The following TENM2 variants were observed in gnomAD, a reference collection of about 807,000 sequenced individuals.
TENM2 encodes the protein teneurin transmembrane protein 2.
TENM2 carries 52 observed loss-of-function variants against 245.2 expected under a neutral mutation model. The ratio of observed to expected loss-of-function variants is 0.21; its 90% CI spans 0.17 to 0.27. The LOEUF (loss-of-function observed/expected upper bound fraction) is 0.27. Ranked by LOEUF, TENM2 falls within the 10% of genes least tolerant of loss-of-function variation. The pLI, the probability that TENM2 is intolerant of heterozygous loss-of-function variation, is 1.00. For synonymous variants in TENM2, 1,363 were observed against 1,438.9 expected (o/e 0.95, Z 1.19); for missense variants, 3,046 against 3,666.8 (o/e 0.83, Z 4.37).
At position 167,446,788 on chromosome 5, in the gene TENM2, AAC is replaced by A. The variant is rs1554155068; in HGVS notation, c.502+71318_502+71319del. Among the ~76,000 whole-genome samples, 17 of 92,348 alleles carry A rather than the reference AAC, an allele frequency of 1.8e-4. No individual in the cohort carries two copies. In the East Asian group the frequency reaches 1.9e-3, roughly 10 times the overall value. 60.6% of individuals were successfully genotyped at this position (92,348 alleles called of 152,430 possible). A position where few individuals can be genotyped will look rare whatever the true frequency, so the allele number is the denominator to read the frequency against. On this transcript the variant is annotated intron_variant, in intron 2 of 28. Coordinates refer to ENST00000518659, the Ensembl canonical transcript of TENM2. ...TTACTCACCCCATCTCAGTTTTTGAAACACGCACACACACACACACACACACA... is the reference window on the plus strand; with the variant it reads ...TTACTCACCCCATCTCAGTTTTTGAAACGCACACACACACACACACACACA...
intron 4 of TENM2, 28 bp downstream of exon 6, chr5:167,952,850 A>G (rs1431838530): frequency 6.5e-7 from 1 of 1,536,698 alleles, no homozygotes; most frequent in East Asian, 2.4e-5. Flanking sequence ...GCTCACAGTC[A>G]CACTCAGTGT....
At chr5:167,824,771 C>A (rs1278923737) in intron 2 of TENM2, among the ~76,000 whole-genome samples, 3 of 152,164 alleles carry the variant, frequency 2.0e-5, no homozygotes, top group Admixed American at 6.5e-5. Context: ...CATATCAAAA[C>A]AACAGTATGG....
rs1768406499 is a variant in TENM2, at chr5:167,491,118, G to C, written c.502+115645G>C. Among the ~76,000 whole-genome samples the C allele has an allele frequency of 2.6e-5, 4 of 152,182 alleles. No homozygotes were observed. In the South Asian group the frequency reaches 8.3e-4, roughly 32 times the overall value. On this transcript the variant is annotated intron_variant, in intron 2 of 28. Coordinates refer to ENST00000518659, the Ensembl canonical transcript of TENM2. ...AGACAGATGGAATCTCATGTACTGA[G>C]ATTGGTAGAAAGTATATCTCTGAAT...
chr5:167,946,140 G>A (rs1017313107), intron 3 of TENM2, among the ~76,000 whole-genome samples: 1 of 152,200 alleles, frequency 6.6e-6, no homozygotes, highest in African/African-American at 2.4e-5. Context: ...AGGAAGCAAG[G>A]TCATTGTCCC....
intron 1 of TENM2, among the ~76,000 whole-genome samples, chr5:167,319,996 G>A (rs1426082056): frequency 6.6e-6 from 1 of 152,162 alleles, no homozygotes; most frequent in Non-Finnish European, 1.5e-5. Flanking sequence ...TAGTTAATAT[G>A]TGTTGAACAC....
intron 28 of TENM2, among the ~76,000 whole-genome samples, chr5:168,261,657 C>T (rs569400539): frequency 3.9e-5 from 6 of 152,346 alleles, no homozygotes; most frequent in African/African-American, 1.4e-4. Context: ...CAGGACATTC[C>T]TGGGTCTAAA....
rs148784467 is a variant in TENM2, at chr5:167,715,789, G to A, written c.503-160197G>A. Among the ~76,000 whole-genome samples, 353 of 152,222 alleles carry A rather than the reference G, an allele frequency of 2.3e-3. 1 individual carries two copies. Among genetic ancestry groups the A allele is most frequent in the African/African-American group, 8.1e-3 (335 of 41,536 alleles). Reference sequence around the variant, plus strand: ...CCTCTTTGGATTCTCATTTTATATAGAACATGCAAGCTTCTGAATACGAAA... The same window carrying A: ...CCTCTTTGGATTCTCATTTTATATAAAACATGCAAGCTTCTGAATACGAAA... On this transcript the variant is annotated intron_variant, in intron 2 of 28. Transcript: ENST00000518659.
chr5:168,181,375 T>C (rs1244992778), intron 13 of TENM2, among the ~76,000 whole-genome samples: 1 of 152,262 alleles, frequency 6.6e-6, no homozygotes, highest in Non-Finnish European at 1.5e-5. Flanking sequence ...ATCAGATTTC[T>C]GCCTTTGGTA....
the TENM2 span, among the ~76,000 whole-genome samples, chr5:167,172,013 G>A: frequency 6.6e-6 from 1 of 152,178 alleles, no homozygotes; most frequent in Non-Finnish European, 1.5e-5. Flanking sequence ...AGCATTAAAT[G>A]TTCTTGCCTC....
At chr5:167,605,020 C>G (rs149785716) in intron 2 of TENM2, among the ~76,000 whole-genome samples, 170 of 152,244 alleles carry the variant, frequency 1.1e-3, no homozygotes, top group Non-Finnish European at 1.7e-3. Flanking sequence ...AGGCACGAGG[C>G]AAGGTGTGTT....
intron 12 of TENM2, among the ~76,000 whole-genome samples, chr5:168,158,850 T>TATATATATATATATACACACACAC (rs1339051385): frequency 1.6e-5 from 1 of 62,330 alleles, no homozygotes; most frequent in Non-Finnish European, 3.1e-5. Context: ...TATATATATA[T>TATATATATATATATACACACACAC]ACACACACAC....
chr5:167,808,917 T>C (rs58440562), intron 2 of TENM2, among the ~76,000 whole-genome samples: 9,706 of 152,242 alleles, frequency 0.064, 371 homozygotes, highest in Middle Eastern at 0.11. Context: ...ATGCACTCAT[T>C]TGCAAGATGT....
At chr5:167,872,161 C>G (rs936983765) in intron 2 of TENM2, among the ~76,000 whole-genome samples, 2 of 151,728 alleles carry the variant, frequency 1.3e-5, no homozygotes, top group East Asian at 3.9e-4. Flanking sequence ...GGCATAGTGG[C>G]TTGCATCTGT....
the TENM2 span, among the ~76,000 whole-genome samples, chr5:167,143,875 G>A: frequency 6.6e-6 from 1 of 152,018 alleles, no homozygotes; most frequent in African/African-American, 2.4e-5. Flanking sequence ...GCTTATATAC[G>A]AGATGCAGTT....
intron 10 of TENM2, among the ~76,000 whole-genome samples, chr5:168,122,697 TG>T (rs1443827958): frequency 6.6e-6 from 1 of 152,178 alleles, no homozygotes; most frequent in Non-Finnish European, 1.5e-5. Context: ...AATTCACCTT[TG>T]GGGGAGTGTA....
chr5:167,536,390 A>G (rs954100167), intron 2 of TENM2, among the ~76,000 whole-genome samples: 2 of 152,158 alleles, frequency 1.3e-5, no homozygotes, highest in African/African-American at 4.8e-5. Context: ...AACTTATTCT[A>G]TAAAGGGCCA....
At chr5:167,343,834 A>G (rs1758275854) in intron 1 of TENM2, among the ~76,000 whole-genome samples, 1 of 152,164 alleles carries the variant, frequency 6.6e-6, no homozygotes, top group Non-Finnish European at 1.5e-5. Flanking sequence ...CCAGTTGAGA[A>G]ATGTCATACC....
At chr5:167,281,579 T>C (rs1771068896), upstream of TENM2, among the ~76,000 whole-genome samples, 1 of 152,194 alleles carries the variant, frequency 6.6e-6, no homozygotes, top group Non-Finnish European at 1.5e-5. Context: ...GAGGTGATAT[T>C]GCTGACAAAG....
the TENM2 span, among the ~76,000 whole-genome samples, chr5:167,024,632 G>C: frequency 6.6e-6 from 1 of 152,098 alleles, no homozygotes; most frequent in South Asian, 2.1e-4. Context: ...CTTTGTGGGG[G>C]CAGAAACAAC....
Sources: gnomAD v4.1 joint callset for allele counts (sites outside exome capture counted in the v4.1 genomes callset) on GRCh38, gnomAD v4.1.1 for gene constraint, MANE v1.5 for transcripts, NCBI Gene and HGNC (gene_info 2026-07-23, HGNC 2026-07-21) for gene names.